The following CDC42SE2 variants were observed in gnomAD, a reference collection of about 807,000 sequenced individuals.
CDC42SE2 encodes the protein CDC42 small effector 2.
A neutral mutation model predicts 11.5 loss-of-function variants in CDC42SE2; 3 were observed. The observed-to-expected ratio is 0.26, with a 90% CI of 0.12 to 0.67. The LOEUF (loss-of-function observed/expected upper bound fraction) is 0.67, where lower values mean the gene tolerates loss of function less well. Ranked by LOEUF, CDC42SE2 falls within the 30% of genes least tolerant of loss-of-function variation. The probability of loss-of-function intolerance (pLI) is 0.80; values close to 1 mark genes in which losing one functional copy is unlikely to be tolerated. For synonymous variants in CDC42SE2, 33 were observed against 34.8 expected (o/e 0.95, Z 0.18); for missense variants, 82 against 106.8 (o/e 0.77, Z 1.02).
At chr5:131,326,364 A>G (rs1758301922) in intron 2 of CDC42SE2, among the ~76,000 whole-genome samples, 1 of 152,166 alleles carries the variant, frequency 6.6e-6, no homozygotes, top group Non-Finnish European at 1.5e-5. Flanking sequence ...TTTTAAAACC[A>G]TCTTTTTGTC....
intron 2 of CDC42SE2, among the ~76,000 whole-genome samples, chr5:131,330,138 CGGTGATTT>C (rs1317364569): frequency 2.0e-5 from 3 of 152,024 alleles, no homozygotes; most frequent in Non-Finnish European, 4.4e-5. Context: ...TTTACACGTC[CGGTGATTT>C]GGCTAGGAAG....
At position 131,392,522 on chromosome 5, in the gene CDC42SE2, T is replaced by TTTGA. The variant is rs140214993; in HGVS notation, c.*1442_*1445dup. The TTTGA allele has an allele frequency of 0.04, 6,029 of 152,398 alleles. 169 individuals are homozygous for TTTGA. The highest frequency in any genetic ancestry group is 0.061 in the Non-Finnish European group (4,118 of 68,008). 9.4% of individuals were successfully genotyped at this position (152,398 alleles called of 1,614,324 possible). ...TTTAGAAGTATGACCTTTTGGTCTG[T>TTTGA]TTGATTGATTGATTAGAATTGCAAT... On this transcript the variant is annotated 3_prime_UTR_variant, in exon 5 of 5. Coordinates refer to ENST00000505065, the MANE Select transcript of CDC42SE2 (RefSeq NM_001375635.1).
At chr5:131,303,990 TG>T (rs1360959976) in intron 1 of CDC42SE2, among the ~76,000 whole-genome samples, 1 of 151,876 alleles carries the variant, frequency 6.6e-6, no homozygotes, top group Non-Finnish European at 1.5e-5. Flanking sequence ...GGGACAGTCT[TG>T]CTCTCTTGCC....
At chr5:131,361,540 G>C (rs1749708072) in intron 3 of CDC42SE2, among the ~76,000 whole-genome samples, 1 of 152,294 alleles carries the variant, frequency 6.6e-6, no homozygotes, top group Non-Finnish European at 1.5e-5. Context: ...GTGCCAGAAG[G>C]CGTGTGTTAC....
intron 1 of CDC42SE2, among the ~76,000 whole-genome samples, chr5:131,267,117 C>T (rs1580720538): frequency 1.4e-5 from 2 of 147,682 alleles, no homozygotes; most frequent in South Asian, 2.1e-4. Context: ...TGCAGTGGCG[C>T]GATCTCGGCT....
chr5:131,331,551 G>A (rs1355148958), intron 2 of CDC42SE2, among the ~76,000 whole-genome samples: 1 of 152,142 alleles, frequency 6.6e-6, no homozygotes, highest in African/African-American at 2.4e-5. Context: ...AAAGTATATA[G>A]TGAAATATAT....
upstream of CDC42SE2, among the ~76,000 whole-genome samples, chr5:131,263,308 G>A (rs1249045389): frequency 1.3e-5 from 2 of 152,054 alleles, no homozygotes; most frequent in Admixed American, 1.3e-4. Context: ...TTACTTACAG[G>A]TTCGAGAGCT....
chr5:131,222,109 A>G, the CDC42SE2 span, among the ~76,000 whole-genome samples: 2 of 152,234 alleles, frequency 1.3e-5, no homozygotes, highest in African/African-American at 4.8e-5. Context: ...AGTGTTTCAG[A>G]AATTGTTTGA....
intron 4 of CDC42SE2, among the ~76,000 whole-genome samples, chr5:131,388,184 G>A (rs772400990): frequency 6.6e-6 from 1 of 151,986 alleles, no homozygotes; most frequent in African/African-American, 2.4e-5. Flanking sequence ...TTAGTAGAGC[G>A]GGGTTTCACC....
intron 2 of CDC42SE2, among the ~76,000 whole-genome samples, chr5:131,325,176 G>A (rs1758270448): frequency 6.6e-6 from 1 of 151,882 alleles, no homozygotes; most frequent in South Asian, 2.1e-4. Flanking sequence ...GCTTTCTTTT[G>A]GACTAGTCAG....
intron 1 of CDC42SE2, among the ~76,000 whole-genome samples, chr5:131,271,342 C>T (rs550903197): frequency 2.0e-5 from 3 of 152,226 alleles, no homozygotes; most frequent in South Asian, 2.1e-4. Context: ...TCCAAATCAT[C>T]AGATTTCACA....
chr5:131,229,397 G>A, the CDC42SE2 span, among the ~76,000 whole-genome samples: 1 of 151,744 alleles, frequency 6.6e-6, no homozygotes, highest in East Asian at 1.9e-4. Context: ...AATTTACTAT[G>A]TAATTTTATT....
chr5:131,292,932 A>G, intron 1 of CDC42SE2, among the ~76,000 whole-genome samples: 1 of 142,578 alleles, frequency 7.0e-6, no homozygotes, highest in East Asian at 2.0e-4. Flanking sequence ...AAAAAAAAAA[A>G]AACAGAAACA....
intron 1 of CDC42SE2, among the ~76,000 whole-genome samples, chr5:131,275,743 C>T (rs1187276941): frequency 1.3e-5 from 2 of 151,820 alleles, no homozygotes; most frequent in East Asian, 3.9e-4. Flanking sequence ...TGAGATAGCT[C>T]GATGGTATCC....
At chr5:131,217,420 C>T in the CDC42SE2 span, among the ~76,000 whole-genome samples, 1 of 152,162 alleles carries the variant, frequency 6.6e-6, no homozygotes, top group Non-Finnish European at 1.5e-5. Flanking sequence ...CATAATTCTG[C>T]TTTTAAAGGC....
intron 1 of CDC42SE2, among the ~76,000 whole-genome samples, chr5:131,266,474 T>TTTC (rs1756868320): frequency 6.6e-6 from 1 of 150,806 alleles, no homozygotes; most frequent in South Asian, 2.1e-4. Flanking sequence ...TTTTTTTTTT[T>TTTC]TTCGAGACGA....
intron 4 of CDC42SE2, among the ~76,000 whole-genome samples, chr5:131,387,660 C>T (rs1337338794): frequency 6.6e-6 from 1 of 152,118 alleles, no homozygotes; most frequent in Non-Finnish European, 1.5e-5. Flanking sequence ...AATGAAAAAC[C>T]TGTCATTGGC....
intron 1 of CDC42SE2, among the ~76,000 whole-genome samples, chr5:131,282,779 C>T (rs1025133315): frequency 6.6e-6 from 1 of 151,374 alleles, no homozygotes; most frequent in Admixed American, 6.6e-5. Context: ...CAGGTGCCCG[C>T]CACCATGCCT....
chr5:131,215,920 T>C, the CDC42SE2 span, among the ~76,000 whole-genome samples: 2 of 152,344 alleles, frequency 1.3e-5, no homozygotes, highest in South Asian at 4.1e-4. Context: ...AATTAAGATA[T>C]ATAAATTGCT....
Sources: allele counts gnomAD v4.1 joint callset (sites outside exome capture counted in the v4.1 genomes callset), GRCh38; gene constraint gnomAD v4.1.1; transcripts MANE v1.5; gene names NCBI Gene and HGNC (gene_info 2026-07-23, HGNC 2026-07-21).